The following DRC11 variants were observed in gnomAD, a reference collection of about 807,000 sequenced individuals.
The protein encoded by DRC11 is dynein regulatory complex subunit 11, also known as IQ and AAA domain-containing protein 1.
the DRC11 span, among the ~76,000 whole-genome samples, chr2:236,495,251 G>A: frequency 2.0e-5 from 3 of 152,192 alleles, no homozygotes; most frequent in African/African-American, 7.2e-5. This position sits in a 1 kb window ranked among gnomAD's most constrained non-coding sequence, Gnocchi z 5.6. Context: ...GCTGAGGCAG[G>A]AGAATTGCTT....
the DRC11 span, among the ~76,000 whole-genome samples, chr2:236,377,726 G>A: frequency 6.6e-6 from 1 of 152,166 alleles, no homozygotes; most frequent in Non-Finnish European, 1.5e-5. The surrounding 1 kb of genome is among the most constrained non-coding windows in gnomAD (Gnocchi z 4.9). Context: ...TGATTTTTTA[G>A]GAGGGTGTTA....
chr2:236,380,439 G>A, the DRC11 span: 116 of 706,496 alleles, frequency 1.6e-4, 1 homozygote, highest in South Asian at 5.3e-4. The surrounding 1 kb of genome is among the most constrained non-coding windows in gnomAD (Gnocchi z 4.9). Flanking sequence ...ACTTAGAGGT[G>A]GCTCCCACCA....
chr2:236,437,713 T>C, the DRC11 span, among the ~76,000 whole-genome samples: 1 of 152,108 alleles, frequency 6.6e-6, no homozygotes, highest in African/African-American at 2.4e-5. Flanking sequence ...CATTTTTTCA[T>C]GTGTTTTTTG....
the DRC11 span, among the ~76,000 whole-genome samples, chr2:236,440,006 T>A: frequency 6.6e-6 from 1 of 152,212 alleles, no homozygotes; most frequent in Non-Finnish European, 1.5e-5. Flanking sequence ...AGGTTTATAA[T>A]CTCATGGAGA....
the DRC11 span, among the ~76,000 whole-genome samples, chr2:236,349,375 A>G: frequency 1.3e-5 from 2 of 152,250 alleles, no homozygotes; most frequent in Non-Finnish European, 2.9e-5. This position sits in a 1 kb window ranked among gnomAD's most constrained non-coding sequence, Gnocchi z 5.5. Flanking sequence ...CGTAAAGATA[A>G]TTTGTAATAA....
chr2:236,459,540 CGT>C, the DRC11 span, among the ~76,000 whole-genome samples: 2,271 of 73,654 alleles, frequency 0.031, 36 homozygotes, highest in Non-Finnish European at 0.046. Flanking sequence ...TATACGTATA[CGT>C]ATACGTATAC....
chr2:236,391,649 C>T, the DRC11 span, among the ~76,000 whole-genome samples: 2 of 152,172 alleles, frequency 1.3e-5, no homozygotes, highest in Non-Finnish European at 2.9e-5. The surrounding 1 kb of genome is among the most constrained non-coding windows in gnomAD (Gnocchi z 4.5). Flanking sequence ...GATCTATGTA[C>T]AGGAACAGTT....
chr2:236,478,508 C>T, the DRC11 span, among the ~76,000 whole-genome samples: 1 of 152,154 alleles, frequency 6.6e-6, no homozygotes, highest in Admixed American at 6.5e-5. This position sits in a 1 kb window ranked among gnomAD's most constrained non-coding sequence, Gnocchi z 5.9. Flanking sequence ...GTGTATTCTG[C>T]AGCAGTTGGG....
the DRC11 span, among the ~76,000 whole-genome samples, chr2:236,416,759 ATAT>A: frequency 1.4e-3 from 131 of 90,858 alleles, no homozygotes; most frequent in African/African-American, 5.3e-3. Context: ...ATATATATAT[ATAT>A]ATATATAAAT....
At chr2:236,391,222 C>T in the DRC11 span, 5 of 152,342 alleles carry the variant, frequency 3.3e-5, 1 homozygote, top group East Asian at 3.9e-4. This position sits in a 1 kb window ranked among gnomAD's most constrained non-coding sequence, Gnocchi z 4.5. Context: ...AAGAGCCAGT[C>T]ATCCTAAAAA....
the DRC11 span, among the ~76,000 whole-genome samples, chr2:236,459,632 T>C: frequency 2.1e-3 from 297 of 139,574 alleles, 2 homozygotes; most frequent in African/African-American, 7.9e-3. Context: ...TACATACGTA[T>C]ATACGTATAT....
the DRC11 span, among the ~76,000 whole-genome samples, chr2:236,472,408 A>T: frequency 6.6e-6 from 1 of 152,216 alleles, no homozygotes; most frequent in Non-Finnish European, 1.5e-5. This position sits in a 1 kb window ranked among gnomAD's most constrained non-coding sequence, Gnocchi z 4.6. Flanking sequence ...CATATTTTTA[A>T]CAGACTACAT....
the DRC11 span, among the ~76,000 whole-genome samples, chr2:236,398,883 T>C: frequency 3.3e-5 from 5 of 152,220 alleles, no homozygotes; most frequent in African/African-American, 1.2e-4. This position sits in a 1 kb window ranked among gnomAD's most constrained non-coding sequence, Gnocchi z 6.2. Context: ...ATGAAAACAT[T>C]CAGCTGAAGT....
At chr2:236,357,029 A>ATTCATATATTATATATCTATATAT in the DRC11 span, among the ~76,000 whole-genome samples, 8 of 86,738 alleles carry the variant, frequency 9.2e-5, no homozygotes, top group African/African-American at 3.9e-4. Flanking sequence ...ATATCTATAT[A>ATTCATATATTATATATCTATATAT]TTTATATATT....
chr2:236,321,576 C>G, the DRC11 span, among the ~76,000 whole-genome samples: 2 of 148,070 alleles, frequency 1.4e-5, no homozygotes, highest in Admixed American at 1.3e-4. Flanking sequence ...TTGGCTCTGG[C>G]GGACTTTGCA....
the DRC11 span, among the ~76,000 whole-genome samples, chr2:236,364,633 CAGA>C: frequency 6.6e-6 from 1 of 152,084 alleles, no homozygotes; most frequent in African/African-American, 2.4e-5. Context: ...CCTTAGTGCC[CAGA>C]AGGGGCCTCA....
chr2:236,399,107 A>G, the DRC11 span, among the ~76,000 whole-genome samples: 1 of 151,688 alleles, frequency 6.6e-6, no homozygotes, highest in South Asian at 2.1e-4. This position sits in a 1 kb window ranked among gnomAD's most constrained non-coding sequence, Gnocchi z 7.0. Context: ...CTCCTGCTTC[A>G]GCCTCCCGAG....
At chr2:236,497,508 T>C in the DRC11 span, 2 of 1,539,256 alleles carry the variant, frequency 1.3e-6, no homozygotes, top group Non-Finnish European at 1.8e-6. This position sits in a 1 kb window ranked among gnomAD's most constrained non-coding sequence, Gnocchi z 5.1. Context: ...AGAGAGAATT[T>C]AGATGATACA....
the DRC11 span, among the ~76,000 whole-genome samples, chr2:236,405,943 G>A: frequency 6.6e-6 from 1 of 152,110 alleles, no homozygotes; most frequent in Non-Finnish European, 1.5e-5. This position sits in a 1 kb window ranked among gnomAD's most constrained non-coding sequence, Gnocchi z 4.6. Context: ...AATACTTATG[G>A]GTCACACTTG....
Sources: gnomAD v4.1 joint callset for allele counts (sites outside exome capture counted in the v4.1 genomes callset) on GRCh38, gnomAD v4.1.1 for gene constraint, Gnocchi (gnomAD v3.1) non-coding constraint, MANE v1.5 for transcripts, NCBI Gene and HGNC (gene_info 2026-07-23, HGNC 2026-07-21) for gene names.